Variants in NLGN1 observed in about 807,000 individuals in gnomAD.
NLGN1 encodes the protein neuroligin-1.
In NLGN1, 12 loss-of-function variants were observed where a neutral mutation model predicts 65.5. That is an observed-to-expected ratio of 0.18 (90% CI 0.12 to 0.30). NLGN1 has a LOEUF of 0.30. NLGN1 is among the 10% of genes least tolerant of loss of function. The pLI is 1.00. For synonymous variants in NLGN1, 350 were observed against 359.5 expected, an observed-to-expected ratio of 0.97 and a Z score of 0.30; for missense variants, 750 against 1,007.1, an observed-to-expected ratio of 0.74 and a Z score of 3.46.
chr3:173,988,716 A>G (rs1402503699), intron 4 of NLGN1, among the ~76,000 whole-genome samples: 1 of 152,024 alleles, frequency 6.6e-6, no homozygotes, highest in Non-Finnish European at 1.5e-5. Flanking sequence ...AAAATTCCAT[A>G]CACAAATAGC....
intron 4 of NLGN1, among the ~76,000 whole-genome samples, chr3:174,133,168 G>T (rs1392124874): frequency 1.3e-5 from 2 of 152,184 alleles, no homozygotes; most frequent in Non-Finnish European, 2.9e-5. Flanking sequence ...TTCCTGAGTG[G>T]TCATTTGGTC....
At position 173,624,008 on chromosome 3, in the gene NLGN1, A is replaced by C. The variant is rs116442834; in HGVS notation, c.493+18917A>C. Among the ~76,000 whole-genome samples the C allele has an allele frequency of 3.2e-3, 480 of 152,262 alleles. 4 individuals carry two copies. The highest frequency in any genetic ancestry group is 5.6e-3 in the Non-Finnish European group (380 of 68,002). On this transcript the variant is annotated intron_variant, in intron 3 of 6. Transcript: ENST00000457714. ...ATACAAATAGGAATCCTGGAAGAAC[A>C]TGTATAGAGTTCAGGAGTTGTTCTC...
chr3:173,701,326 G>A (rs962224767), intron 3 of NLGN1, among the ~76,000 whole-genome samples: 3 of 152,184 alleles, frequency 2.0e-5, no homozygotes, highest in Non-Finnish European at 4.4e-5. Flanking sequence ...GGGTGCCTCA[G>A]TGTAGTCACA....
chr3:173,695,773 A>G (rs1002625014), intron 3 of NLGN1, among the ~76,000 whole-genome samples: 4 of 152,172 alleles, frequency 2.6e-5, no homozygotes, highest in East Asian at 1.9e-4. Flanking sequence ...TAGTTTTTCT[A>G]TCTATAAAGT....
chr3:173,461,488 AG>A (rs1396624605), intron 2 of NLGN1, among the ~76,000 whole-genome samples: 2 of 152,146 alleles, frequency 1.3e-5, no homozygotes, highest in Non-Finnish European at 2.9e-5. Context: ...GAGATTATAA[AG>A]ACTATTAACT....
In NLGN1 at chr3:174,049,134, C is replaced by T. The variant is rs560640501; in HGVS notation, c.647-226181C>T. Reference sequence around the variant, plus strand: ...GGAGGAGTAAAGTATTTTTGAATGTCAGAAAAAGCTTGGACAAAGGCTTAG... The same window carrying T: ...GGAGGAGTAAAGTATTTTTGAATGTTAGAAAAAGCTTGGACAAAGGCTTAG... On this transcript the variant is annotated intron_variant, in intron 4 of 6. Coordinates refer to ENST00000457714, the Ensembl canonical transcript of NLGN1. Among the ~76,000 whole-genome samples, 21 of 152,092 alleles carry T rather than the reference C, an allele frequency of 1.4e-4. 2 individuals carry two copies. In the South Asian group the frequency reaches 4.4e-3, roughly 32 times the overall value.
At chr3:174,267,806 A>ACAT (rs1748568083) in intron 4 of NLGN1, among the ~76,000 whole-genome samples, 1 of 152,158 alleles carries the variant, frequency 6.6e-6, no homozygotes, top group South Asian at 2.1e-4. Context: ...GAAAATTATA[A>ACAT]CATTAATGCT....
rs748911027 is a variant in NLGN1 at position 174,234,985 on chromosome 3, C to CTTTT, written c.647-40303_647-40300dup. Among the ~76,000 whole-genome samples, 439 of 65,722 alleles carry CTTTT rather than the reference C, an allele frequency of 6.7e-3. 88 individuals are homozygous for CTTTT. The highest frequency in any genetic ancestry group is 0.014 in the African/African-American group (174 of 12,464). 43.1% of individuals were successfully genotyped at this position (65,722 alleles called of 152,430 possible). On this transcript the variant is annotated intron_variant, in intron 4 of 6. Transcript: ENST00000457714. ...GAGCTTTGTAAAATAAAGGAATCAC[C>CTTTT]TTTTTTTTTTTTTTTTTTTTTTTTT...
intron 4 of NLGN1, among the ~76,000 whole-genome samples, chr3:173,939,532 G>A (rs1745633006): frequency 6.6e-6 from 1 of 152,162 alleles, no homozygotes; most frequent in African/African-American, 2.4e-5. Flanking sequence ...ATCTTCCTGA[G>A]AGGAAACTGA....
At chr3:173,866,025 G>A (rs1024628845) in intron 4 of NLGN1, among the ~76,000 whole-genome samples, 2 of 152,158 alleles carry the variant, frequency 1.3e-5, no homozygotes, top group Admixed American at 6.5e-5. Flanking sequence ...GGTTAGATCT[G>A]CATAGTTGAA....
At chr3:173,965,393 C>A (rs945041689) in intron 4 of NLGN1, among the ~76,000 whole-genome samples, 19 of 152,004 alleles carry the variant, frequency 1.2e-4, no homozygotes, top group African/African-American at 4.1e-4. Context: ...TCTTGGCTCA[C>A]TGCAGGCTCC....
intron 4 of NLGN1, among the ~76,000 whole-genome samples, chr3:174,122,155 T>A (rs571225419): frequency 6.6e-6 from 1 of 152,070 alleles, no homozygotes; most frequent in African/African-American, 2.4e-5. Context: ...GAAAAATGAG[T>A]AAACGTATTT....
intron 3 of NLGN1, among the ~76,000 whole-genome samples, chr3:173,657,294 T>G (rs1263127334): frequency 6.6e-6 from 1 of 152,006 alleles, no homozygotes; most frequent in African/African-American, 2.4e-5. Flanking sequence ...TCCAACTCCA[T>G]GTGCTGCCAA....
chr3:174,160,617 C>T (rs1726306141), intron 4 of NLGN1, among the ~76,000 whole-genome samples: 1 of 150,944 alleles, frequency 6.6e-6, no homozygotes, highest in African/African-American at 2.4e-5. Context: ...TGAGTGTGAA[C>T]ACTTTTCTTT....
chr3:174,041,802 T>C (rs1191080529), intron 4 of NLGN1, among the ~76,000 whole-genome samples: 1 of 152,124 alleles, frequency 6.6e-6, no homozygotes, highest in East Asian at 1.9e-4. Flanking sequence ...ATTTAAAAAA[T>C]TGAATTATTG....
intron 4 of NLGN1, among the ~76,000 whole-genome samples, chr3:174,265,725 A>G (rs1038919586): frequency 1.3e-5 from 2 of 149,236 alleles, no homozygotes; most frequent in Admixed American, 6.7e-5. Flanking sequence ...TGTTTATTGT[A>G]TAACAAAATA....
chr3:173,862,799 A>G (rs879486148), intron 4 of NLGN1, among the ~76,000 whole-genome samples: 40 of 152,156 alleles, frequency 2.6e-4, no homozygotes, highest in Non-Finnish European at 4.9e-4. Context: ...TTGGTTGGCA[A>G]GATATCTTAC....
chr3:173,687,980 A>G (rs1764916613), intron 3 of NLGN1, among the ~76,000 whole-genome samples: 2 of 152,226 alleles, frequency 1.3e-5, no homozygotes, highest in Admixed American at 1.3e-4. Flanking sequence ...AATTAAACAG[A>G]ATGGTCAGAA....
intron 5 of NLGN1, among the ~76,000 whole-genome samples, chr3:174,277,330 A>G (rs997020005): frequency 2.6e-5 from 4 of 151,918 alleles, no homozygotes; most frequent in African/African-American, 9.7e-5. Flanking sequence ...GCATCCACAT[A>G]AGAGGCAATT....
Sources: gnomAD v4.1 joint callset for allele counts (sites outside exome capture counted in the v4.1 genomes callset) on GRCh38, gnomAD v4.1.1 for gene constraint, MANE v1.5 for transcripts, NCBI Gene and HGNC (gene_info 2026-07-23, HGNC 2026-07-21) for gene names.